The following NUP62 variants were observed in gnomAD, a reference collection of about 807,000 sequenced individuals.
NUP62 encodes nuclear pore glycoprotein p62.
For synonymous variants in NUP62, 305 were observed against 303.4 expected, an observed-to-expected ratio of 1.01 and a Z score of -0.05; for missense variants, 647 against 689.4, an observed-to-expected ratio of 0.94 and a Z score of 0.69.
rs754745409 is a variant in NUP62 at position 49,909,082 on chromosome 19, A to C, written c.726T>G (p.Pro242=). Residue 242 remains proline (P), a synonymous_variant, in exon 3 of 3, where the codon CCT becomes CCG. Transcript: ENST00000352066. ...CAGTGGGGGCGCCCGCTGTGGTCAC[A>C]GGGGTACAGAGGGAGAGTCCAGTGG... ...SATTGLSLCT[P]VTTAGAPTAG... is the part of the protein sequence containing the mutation. 3 of 1,612,632 alleles carry C rather than the reference A, an allele frequency of 1.9e-6. No individual in the cohort carries two copies. Among genetic ancestry groups the C allele is most frequent in the Non-Finnish European group, 8.5e-7 (1 of 1,180,018 alleles).
In NUP62 at chr19:49,907,273, G is replaced by C. The variant is rs1031282729; in HGVS notation, c.*966C>G. 1.0e-5 allele frequency: 3 copies of C among 296,118 alleles called. No homozygotes were observed. Among genetic ancestry groups the C allele is most frequent in the African/African-American group, 2.3e-5 (1 of 43,198 alleles). 18.3% of individuals were successfully genotyped at this position (296,118 alleles called of 1,614,324 possible). Reference sequence around the variant, plus strand: ...CTGCAAGAAGGCCACCTGAGCTTCGGGTAGCTGGGAAGGCTTCCTGGAGGA... The same window carrying C: ...CTGCAAGAAGGCCACCTGAGCTTCGCGTAGCTGGGAAGGCTTCCTGGAGGA... On this transcript the variant is annotated 3_prime_UTR_variant, in exon 3 of 3. Transcript: ENST00000352066.
chr19:49,918,597 G>A (rs929141789), intron 2 of NUP62: 5 of 152,186 alleles, frequency 3.3e-5, no homozygotes, highest in Admixed American at 3.3e-4. Flanking sequence ...TCAACCTACA[G>A]GCATAACCGA....
intron 1 of NUP62, chr19:49,928,381 G>GTGGC (rs945067626): frequency 2.0e-5 from 3 of 152,168 alleles, no homozygotes; most frequent in Non-Finnish European, 4.4e-5. Context: ...GCCGGGCGTG[G>GTGGC]TGGCGGGCGC....
At chr19:49,909,928 G>C in intron 2 of NUP62, 44 bp from the exon 3 acceptor site, 11 of 1,065,698 alleles carry the variant, frequency 1.0e-5, no homozygotes, top group Non-Finnish European at 1.6e-5. Flanking sequence ...GTTTTGGAAA[G>C]GCAAGCTCAG....
intron 2 of NUP62, among the ~76,000 whole-genome samples, chr19:49,910,186 T>A (rs1054243207): frequency 1.5e-4 from 23 of 151,812 alleles, no homozygotes; most frequent in African/African-American, 5.3e-4. Flanking sequence ...CCTGAGGAGA[T>A]CAGATTTGAG....
rs371234041 is a variant in NUP62, at chr19:49,907,828, G to A, written c.*411C>T. 29 of 330,976 alleles carry A rather than the reference G, an allele frequency of 8.8e-5. No homozygotes were observed. Among genetic ancestry groups the A allele is most frequent in the East Asian group, 7.0e-4 (8 of 11,392 alleles). The allele number at this position is 330,976 out of a possible 1,614,324, so 20.5% of individuals were successfully genotyped here. A position where few individuals can be genotyped will look rare whatever the true frequency, so the allele number is the denominator to read the frequency against. ...TGAGATTACAGGGGTGAGCCACTGC[G>A]CCCTGACTTGGAGGTTCTCTTACAT... On this transcript the variant is annotated 3_prime_UTR_variant, in exon 3 of 3. Transcript: ENST00000352066.
chr19:49,927,497 G>A (rs749776555), intron 2 of NUP62, among the ~76,000 whole-genome samples, 197 bp downstream of exon 2: 73 of 152,202 alleles, frequency 4.8e-4, no homozygotes, highest in Admixed American at 3.1e-3. Context: ...GGTGGGACAA[G>A]CTCAGTCTAT....
rs760708459 is a variant in NUP62, at chr19:49,908,592, G to A, written c.1216C>T (p.Leu406=). 1.2e-6 allele frequency: 2 copies of A among 1,614,090 alleles called. No individual in the cohort carries two copies. The highest frequency in any genetic ancestry group is 2.2e-5 in the East Asian group (1 of 44,884). The part of the protein sequence containing the change: ...ILSQQKELED[L]LSPLEELVKE... ...ACCAACTCCTCCAGTGGGCTCAGCA[G>A]GTCTTCCAGCTCCTTCTGCTGGGAC... is the stretch of plus-strand genomic sequence containing the variant. The change falls in exon 3 of 3, where the codon CTG becomes TTG. Residue 406 remains leucine (L), a synonymous_variant. Coordinates refer to ENST00000352066, the MANE Select transcript of NUP62 (RefSeq NM_016553.5).
intron 1 of NUP62, chr19:49,928,509 A>T (rs2075966998): frequency 7.1e-6 from 1 of 141,076 alleles, no homozygotes; most frequent in African/African-American, 2.6e-5. Context: ...AGAGACGGAG[A>T]GACTCCGTCT....
Position 49,908,343 on chromosome 19 carries a change from C to T in NUP62, c.1465G>A (p.Asp489Asn), listed in dbSNP as rs752339926. The change falls in exon 3 of 3, where the codon GAC becomes AAC. Residue 489 changes from aspartate to asparagine, a missense_variant. Transcript: ENST00000352066. ...CTCTGCAGCAGGGCCGAGTTCTGGT[C>T]GATCCACTGCAGTGAGTCCATGTGC... ...NAHMDSLQWI[D>N]QNSALLQRKV... The T allele has an allele frequency of 1.1e-5, 18 of 1,613,984 alleles. No individual in the cohort carries two copies. The African/African-American group carries it at 1.3e-4, about 12-fold the overall frequency.
At chr19:49,913,757 T>A (rs1311883423) in intron 2 of NUP62, among the ~76,000 whole-genome samples, 2 of 152,180 alleles carry the variant, frequency 1.3e-5, no homozygotes, top group Non-Finnish European at 2.9e-5. Flanking sequence ...GAGTCTTAGC[T>A]CATCACTGAG....
Position 49,908,206 on chromosome 19 carries a change from C to G in NUP62, c.*33G>C. The G allele has an allele frequency of 1.2e-6, 2 of 1,608,882 alleles. No individual in the cohort carries two copies. The highest frequency in any genetic ancestry group is 1.7e-6 in the Non-Finnish European group (2 of 1,179,408). ...AGGGCGCATTCCCCTCATGAACTCC[C>G]TAGGGACCTGCGGGCCCCAGGGCTG... On this transcript the variant is annotated 3_prime_UTR_variant, in exon 3 of 3. Transcript: ENST00000352066.
intron 2 of NUP62, among the ~76,000 whole-genome samples, chr19:49,919,416 G>A (rs1039197985): frequency 6.6e-6 from 1 of 152,202 alleles, no homozygotes; most frequent in Non-Finnish European, 1.5e-5. Flanking sequence ...ATGTATCTTA[G>A]AAATCGTTTT....
At chr19:49,910,687 G>C (rs1033237219) in intron 2 of NUP62, among the ~76,000 whole-genome samples, 1 of 149,596 alleles carries the variant, frequency 6.7e-6, no homozygotes, top group African/African-American at 2.5e-5. Flanking sequence ...GGGACATCAC[G>C]GGAGACCATG....
At chr19:49,917,147 G>C (rs1043233829) in intron 2 of NUP62, among the ~76,000 whole-genome samples, 1 of 152,248 alleles carries the variant, frequency 6.6e-6, no homozygotes, top group African/African-American at 2.4e-5. Flanking sequence ...AAAGAGCAGA[G>C]AGTGAGGGAG....
At position 49,908,977 on chromosome 19, in the gene NUP62, GGCGGTGGCA is replaced by G. The variant is rs762094191; in HGVS notation, c.822_830del (p.Ala275_Ala277del). Reference sequence around the variant, plus strand: ...TGCTGCTGCTGGTGGTGGTGGCGGTGGCGGTGGCAGCGGTGGATGTTGTTGTGGAGGTGC... The same window carrying G: ...TGCTGCTGCTGGTGGTGGTGGCGGTGGCGGTGGATGTTGTTGTGGAGGTGC... On this transcript the variant is annotated inframe_deletion, in exon 3 of 3. Coordinates refer to ENST00000352066, the MANE Select transcript of NUP62 (RefSeq NM_016553.5). 282 of 1,609,878 alleles carry G rather than the reference GGCGGTGGCA, an allele frequency of 1.8e-4. No individual in the cohort carries two copies. Among genetic ancestry groups the G allele is most frequent in the African/African-American group, 3.3e-4 (25 of 74,986 alleles).
At chr19:49,926,508 C>T (rs548498179) in intron 2 of NUP62, among the ~76,000 whole-genome samples, 20 of 151,682 alleles carry the variant, frequency 1.3e-4, no homozygotes, top group East Asian at 3.9e-4. Flanking sequence ...CCAGCCTGGG[C>T]GACACAGCAA....
At position 49,909,255 on chromosome 19, in the gene NUP62, G is replaced by C; in HGVS notation, c.553C>G (p.Pro185Ala). The C allele has an allele frequency of 1.9e-6, 3 of 1,614,108 alleles. No homozygotes were observed. Among genetic ancestry groups the C allele is most frequent in the Non-Finnish European group, 2.5e-6 (3 of 1,180,014 alleles). The change falls in exon 3 of 3, where the codon CCT becomes GCT. Residue 185 changes from proline to alanine, a missense_variant. By Grantham distance (27) the Pro-to-Ala change is conservative. Transcript: ENST00000352066. ...SAGNSAQPTA[P>A]ATLPFTPATP... is the part of the protein sequence containing the mutation. ...GCCGGAGTGAAGGGCAACGTGGCAG[G>C]TGCCGTGGGCTGGGCTGAATTCCCT... is the stretch of plus-strand genomic sequence containing the variant.
intron 2 of NUP62, among the ~76,000 whole-genome samples, chr19:49,916,356 T>TA (rs2075623401): frequency 6.9e-6 from 1 of 145,066 alleles, no homozygotes; most frequent in South Asian, 2.1e-4. Context: ...TCTTTTGTAT[T>TA]TTTTTTTTTT....
Sources: allele counts gnomAD v4.1 joint callset (sites outside exome capture counted in the v4.1 genomes callset), GRCh38; gene constraint gnomAD v4.1.1; transcripts MANE v1.5; gene names NCBI Gene and HGNC (gene_info 2026-07-23, HGNC 2026-07-21).